The following ROBO1 variants were observed in gnomAD, a reference collection of about 807,000 sequenced individuals.
ROBO1 encodes the protein roundabout homolog 1.
ROBO1 carries 149 observed loss-of-function variants against 195.9 expected under a neutral mutation model. That is an observed-to-expected ratio of 0.76 (90% CI 0.67 to 0.87). ROBO1 has a LOEUF of 0.87. Ranked by LOEUF, ROBO1 falls within the 40% of genes least tolerant of loss-of-function variation. The pLI is 0.00. For synonymous variants in ROBO1, 816 were observed against 733.2 expected (o/e 1.11, Z -1.82); for missense variants, 1,933 against 2,068.3 (o/e 0.93, Z 1.27).
At chr3:79,168,640 G>T (rs1034481276) in intron 2 of ROBO1, among the ~76,000 whole-genome samples, 1 of 152,024 alleles carries the variant, frequency 6.6e-6, no homozygotes, top group Non-Finnish European at 1.5e-5. Context: ...CATGTTTTCT[G>T]TGTCCCAAAC....
At chr3:78,879,443 T>G (rs540127611) in intron 4 of ROBO1, among the ~76,000 whole-genome samples, 1 of 151,900 alleles carries the variant, frequency 6.6e-6, no homozygotes, top group Admixed American at 6.6e-5. Flanking sequence ...ATATACGAGG[T>G]TAGGCAAATA....
chr3:79,607,343 A>C (rs12054167), intron 1 of ROBO1, among the ~76,000 whole-genome samples: 129,664 of 151,166 alleles, frequency 0.86, 55,880 homozygotes, highest in African/African-American at 0.92. Flanking sequence ...AAACATTTCT[A>C]AAATCAATTG....
chr3:78,801,271 TA>T (rs2084362592), intron 4 of ROBO1, among the ~76,000 whole-genome samples: 1 of 152,218 alleles, frequency 6.6e-6, no homozygotes, highest in Non-Finnish European at 1.5e-5. Context: ...TTCTTTTTGC[TA>T]AAACTCTGTT....
At chr3:79,503,293 C>G (rs1455806597) in intron 2 of ROBO1, among the ~76,000 whole-genome samples, 3 of 152,140 alleles carry the variant, frequency 2.0e-5, no homozygotes, top group Non-Finnish European at 2.9e-5. Flanking sequence ...CCAGGAAGAT[C>G]ACGAACCCAC....
intron 1 of ROBO1, among the ~76,000 whole-genome samples, chr3:79,742,370 T>C (rs1703683929): frequency 6.6e-6 from 1 of 152,200 alleles, no homozygotes; most frequent in Non-Finnish European, 1.5e-5. Flanking sequence ...TCCCAGCTGC[T>C]CCAGCTCCAG....
At chr3:78,804,835 A>C (rs1249431624) in intron 4 of ROBO1, among the ~76,000 whole-genome samples, 1 of 151,908 alleles carries the variant, frequency 6.6e-6, no homozygotes, top group African/African-American at 2.4e-5. Flanking sequence ...CTTGCAGCAC[A>C]ACTGCTGTAC....
chr3:78,857,103 T>C (rs1398241627), intron 4 of ROBO1, among the ~76,000 whole-genome samples: 1 of 152,162 alleles, frequency 6.6e-6, no homozygotes, highest in Non-Finnish European at 1.5e-5. Context: ...ATATTATTTA[T>C]GACATTTATT....
intron 2 of ROBO1, among the ~76,000 whole-genome samples, chr3:79,565,547 T>C (rs1465786078): frequency 6.6e-6 from 1 of 152,056 alleles, no homozygotes; most frequent in Non-Finnish European, 1.5e-5. Flanking sequence ...CCTTTAGGAA[T>C]AACTCTCAGT....
At chr3:79,465,016 T>C (rs1937881798) in intron 2 of ROBO1, among the ~76,000 whole-genome samples, 2 of 152,180 alleles carry the variant, frequency 1.3e-5, no homozygotes, top group Admixed American at 1.3e-4. Flanking sequence ...GACATTTTTG[T>C]TGTAGTTTAG....
At chr3:79,392,892 T>C (rs2037007790) in intron 2 of ROBO1, among the ~76,000 whole-genome samples, 1 of 152,186 alleles carries the variant, frequency 6.6e-6, no homozygotes, top group South Asian at 2.1e-4. Context: ...TTTCAAGAAA[T>C]TAAATGAGTT....
chr3:78,900,611 A>C (rs560327277), intron 4 of ROBO1, among the ~76,000 whole-genome samples: 30 of 152,306 alleles, frequency 2.0e-4, no homozygotes, highest in Admixed American at 1.6e-3. Flanking sequence ...GATGAAAAAC[A>C]TTCCATTCCT....
At chr3:78,896,651 T>C (rs1000506140) in intron 4 of ROBO1, among the ~76,000 whole-genome samples, 1 of 116,778 alleles carries the variant, frequency 8.6e-6, no homozygotes, top group African/African-American at 3.7e-5. Context: ...AACAGCCTTG[T>C]TGCTCACAAA....
At chr3:79,029,840 T>C (rs1401001170) in intron 3 of ROBO1, among the ~76,000 whole-genome samples, 1 of 152,216 alleles carries the variant, frequency 6.6e-6, no homozygotes, top group East Asian at 1.9e-4. Context: ...ACATTGACTA[T>C]TTCTCCATAG....
intron 2 of ROBO1, among the ~76,000 whole-genome samples, chr3:79,418,033 A>C (rs1250031176): frequency 6.6e-6 from 1 of 152,150 alleles, no homozygotes; most frequent in Non-Finnish European, 1.5e-5. Context: ...ACAGCACTGG[A>C]CACATTGTAG....
At chr3:78,854,997 C>T (rs1225017798) in intron 4 of ROBO1, among the ~76,000 whole-genome samples, 2 of 151,800 alleles carry the variant, frequency 1.3e-5, no homozygotes, top group Non-Finnish European at 2.9e-5. Flanking sequence ...AAAGAACAAA[C>T]AAAAGGAAGG....
At chr3:79,281,315 T>C (rs1040701994) in intron 2 of ROBO1, among the ~76,000 whole-genome samples, 1 of 146,806 alleles carries the variant, frequency 6.8e-6, no homozygotes, top group Non-Finnish European at 1.5e-5. Context: ...TATTGATTGA[T>C]TGATTTATTA....
chr3:79,741,414 C>G (rs1052695130), intron 1 of ROBO1, among the ~76,000 whole-genome samples: 3 of 151,902 alleles, frequency 2.0e-5, no homozygotes, highest in African/African-American at 7.3e-5. Flanking sequence ...GCTTTGATCC[C>G]AAACCAAACT....
intron 3 of ROBO1, among the ~76,000 whole-genome samples, chr3:79,072,173 T>C (rs1450599834): frequency 6.6e-6 from 1 of 151,840 alleles, no homozygotes; most frequent in Non-Finnish European, 1.5e-5. Context: ...GCTCTCTGCA[T>C]TTTCCTAGAA....
At chr3:78,602,045 AGTGTGT>A (rs10542402) in intron 29 of ROBO1, among the ~76,000 whole-genome samples, 346 of 149,990 alleles carry the variant, frequency 2.3e-3, no homozygotes, top group African/African-American at 4.2e-3. Flanking sequence ...CATGTGTGTG[AGTGTGT>A]GTGTGTGTGT....
Sources: allele counts gnomAD v4.1 joint callset (sites outside exome capture counted in the v4.1 genomes callset), GRCh38; gene constraint gnomAD v4.1.1; transcripts MANE v1.5; gene names NCBI Gene and HGNC (gene_info 2026-07-23, HGNC 2026-07-21).